COL4A1: variants seen among roughly 807,000 people sequenced by gnomAD.
COL4A1 encodes collagen alpha-1(IV) chain.
COL4A1 carries 40 observed loss-of-function variants against 216.6 expected under a neutral mutation model. The ratio of observed to expected loss-of-function variants is 0.18; its 90% CI spans 0.14 to 0.24. COL4A1 has a LOEUF of 0.24. Ranked by LOEUF, COL4A1 falls within the 10% of genes least tolerant of loss-of-function variation. The probability of loss-of-function intolerance (pLI) is 1.00; values close to 1 mark genes in which losing one functional copy is unlikely to be tolerated. For synonymous variants in COL4A1, 839 were observed against 810.7 expected (o/e 1.03, Z -0.59); for missense variants, 1,628 against 2,196.8 (o/e 0.74, Z 5.18).
At chr13:110,253,262 T>C (rs12428374) in intron 1 of COL4A1, among the ~76,000 whole-genome samples, 3,269 of 129,964 alleles carry the variant, frequency 0.025, 342 homozygotes, top group East Asian at 0.2. Context: ...TATAATTAGG[T>C]ATATATACAT....
At chr13:110,288,700 G>A (rs1348710945) in intron 1 of COL4A1, among the ~76,000 whole-genome samples, 1 of 152,186 alleles carries the variant, frequency 6.6e-6, no homozygotes, top group African/African-American at 2.4e-5. Flanking sequence ...ACCCTGGACA[G>A]GTTGTTGAAA....
chr13:110,207,608 C>A lies in COL4A1; in HGVS notation c.694-119G>T. On this transcript the variant is annotated intron_variant, in intron 12 of 51. Coordinates refer to ENST00000375820, the MANE Select transcript of COL4A1 (RefSeq NM_001845.6). This position sits in a 1 kb window ranked among gnomAD's most constrained non-coding sequence, Gnocchi z 4.4. The stretch of plus-strand genomic sequence containing the variant: ...CCTATTTTTAAAATGTAATTATACT[C>A]TATTCTGTTCTAATCATCCTTGCCT... 5.3e-6 allele frequency: 4 copies of A among 752,970 alleles called. No homozygotes were observed. Among genetic ancestry groups the A allele is most frequent in the Non-Finnish European group, 9.0e-6 (4 of 445,104 alleles). The allele number at this position is 752,970 out of a possible 1,614,324, so 46.6% of individuals were successfully genotyped here. A position where few individuals can be genotyped will look rare whatever the true frequency, so the allele number is the denominator to read the frequency against.
Position 110,201,601 on chromosome 13 carries a change from A to C in COL4A1, c.1000-79T>G, listed in dbSNP as rs944420897. ...GTATAGTAAAGCAGTATGAGTGAAG[A>C]AATGTACATATTTGTTTTTATTTCA... On this transcript the variant is annotated intron_variant, in intron 18 of 51. Coordinates refer to ENST00000375820, the MANE Select transcript of COL4A1 (RefSeq NM_001845.6). 5 of 1,168,180 alleles carry C rather than the reference A, an allele frequency of 4.3e-6. No homozygotes were observed. The African/African-American group carries it at 7.5e-5, about 18-fold the overall frequency. 72.4% of individuals were successfully genotyped at this position (1,168,180 alleles called of 1,614,324 possible).
chr13:110,165,186 C>T (rs1877278726), intron 45 of COL4A1, among the ~76,000 whole-genome samples, 196 bp from the exon 46 acceptor site: 1 of 152,190 alleles, frequency 6.6e-6, no homozygotes. Flanking sequence ...AACCTGAAAT[C>T]CTGAACTCTC....
At chr13:110,260,538 C>T (rs116382828) in intron 1 of COL4A1, among the ~76,000 whole-genome samples, 2,388 of 152,266 alleles carry the variant, frequency 0.016, 61 homozygotes, top group African/African-American at 0.055. Context: ...AGTGTCACCA[C>T]GGCAAGGGTG....
chr13:110,225,420 T>C (rs1880692260), intron 2 of COL4A1, among the ~76,000 whole-genome samples: 1 of 152,146 alleles, frequency 6.6e-6, no homozygotes, highest in Admixed American at 6.5e-5. Flanking sequence ...TTGTCTCTAC[T>C]AAAAATACAA....
chr13:110,191,478 A>T (rs1317432653), intron 24 of COL4A1: 1 of 456,408 alleles, frequency 2.2e-6, no homozygotes, highest in Non-Finnish European at 3.8e-6. Context: ...AACAGAAGTC[A>T]TTATATGCAA....
chr13:110,209,936 GT>G (rs763507902), intron 10 of COL4A1, 43 bp downstream of exon 10: 30 of 1,596,888 alleles, frequency 1.9e-5, no homozygotes, highest in Non-Finnish European at 2.4e-5. Flanking sequence ...CAATATAGTT[GT>G]TTTTTAAATG....
chr13:110,201,423 A>T lies in COL4A1; in HGVS notation c.1084+15T>A, dbSNP rs758189836. ...GGGGGAGTAGGAGGAGGGGGGAAAA[A>T]GGCAAGAAAGCTACCTTTTGGGCCT... On this transcript the variant is annotated intron_variant, in intron 19 of 51. Coordinates refer to ENST00000375820, the MANE Select transcript of COL4A1 (RefSeq NM_001845.6). 3.7e-6 allele frequency: 6 copies of T among 1,609,774 alleles called. No individual in the cohort carries two copies. In the East Asian group the frequency reaches 1.1e-4, roughly 30 times the overall value.
chr13:110,302,090 C>A (rs116909557), intron 1 of COL4A1, among the ~76,000 whole-genome samples: 3,848 of 152,142 alleles, frequency 0.025, 65 homozygotes, highest in Middle Eastern at 0.075. Context: ...GAGTCCCAGC[C>A]GTGGGAAGGG....
chr13:110,210,012 G>A lies in COL4A1; in HGVS notation c.583C>T (p.Pro195Ser). The change falls in exon 10 of 52, where the codon CCT becomes TCT. Residue 195 changes from proline (P) to serine (S), a missense_variant. Transcript: ENST00000375820. ...GPPGLPGLQG[P>S]VGPPGFTGPP... The stretch of plus-strand genomic sequence containing the variant: ...CCGGTAAATCCTGGAGGCCCAACAG[G>A]ACCTTGAAGCCCTGGCAGTCCTGGT... 1 of 1,614,126 alleles carries A rather than the reference G, an allele frequency of 6.2e-7. No individual in the cohort carries two copies. Among genetic ancestry groups the A allele is most frequent in the Non-Finnish European group, 8.5e-7 (1 of 1,180,010 alleles).
At chr13:110,193,094 G>T (rs1878718268) in intron 22 of COL4A1, among the ~76,000 whole-genome samples, 181 bp from the exon 23 acceptor site, 3 of 152,180 alleles carry the variant, frequency 2.0e-5, no homozygotes, top group South Asian at 2.1e-4. Flanking sequence ...GCAGTCAAAC[G>T]CACGTCCCTG....
chr13:110,164,300 A>G (rs753456539), intron 46 of COL4A1, among the ~76,000 whole-genome samples: 1 of 152,140 alleles, frequency 6.6e-6, no homozygotes, highest in Non-Finnish European at 1.5e-5. Context: ...TGGCTAGCTT[A>G]TTCTTAAGTA....
At chr13:110,292,200 T>G (rs76720377) in intron 1 of COL4A1, among the ~76,000 whole-genome samples, 1 of 152,350 alleles carries the variant, frequency 6.6e-6, no homozygotes, top group East Asian at 1.9e-4. Context: ...AAAATCTTTT[T>G]GACAGTTCTT....
rs569714572 is a variant in COL4A1 at position 110,152,674 on chromosome 13, C to T, written c.4756-168G>A. On this transcript the variant is annotated intron_variant, in intron 50 of 51. Transcript: ENST00000375820. ...CTGTGCCCAAATTATCGGGCTGGCC[C>T]GCAAGCCAGTGCCTGCATGGCTGGG... 2.5e-4 allele frequency among the ~76,000 whole-genome samples: 38 copies of T among 152,372 alleles called. No individual in the cohort carries two copies. In the South Asian group the frequency reaches 6.4e-3, roughly 26 times the overall value.
At chr13:110,283,500 G>A (rs926033858) in intron 1 of COL4A1, among the ~76,000 whole-genome samples, 6 of 152,138 alleles carry the variant, frequency 3.9e-5, no homozygotes, top group African/African-American at 9.7e-5. Context: ...ATAGGCACAC[G>A]CACACTCTCA....
intron 39 of COL4A1, among the ~76,000 whole-genome samples, chr13:110,174,239 T>C (rs962071301): frequency 6.6e-6 from 1 of 152,122 alleles, no homozygotes; most frequent in African/African-American, 2.4e-5. Context: ...AAAAACAGTT[T>C]GGAGATTTAG....
chr13:110,275,096 T>C (rs1481878563), intron 1 of COL4A1, among the ~76,000 whole-genome samples: 2 of 152,154 alleles, frequency 1.3e-5, no homozygotes, highest in Non-Finnish European at 2.9e-5. Flanking sequence ...TGTTCTGCTC[T>C]GGGAAAGACA....
intron 1 of COL4A1, among the ~76,000 whole-genome samples, chr13:110,266,411 C>T (rs1269675870): frequency 6.6e-6 from 1 of 152,172 alleles, no homozygotes; most frequent in Non-Finnish European, 1.5e-5. Flanking sequence ...GAGAAGGCTG[C>T]CAACCCCCGG....
Sources: allele counts gnomAD v4.1 joint callset (sites outside exome capture counted in the v4.1 genomes callset), GRCh38; gene constraint gnomAD v4.1.1; non-coding constraint Gnocchi (gnomAD v3.1); transcripts MANE v1.5; gene names NCBI Gene and HGNC (gene_info 2026-07-23, HGNC 2026-07-21).